WNK2: variants seen among roughly 807,000 people sequenced by gnomAD.
WNK2 encodes the protein WNK lysine deficient protein kinase 2.
Under a neutral mutation model 192.1 loss-of-function variants are expected in WNK2, and 67 were observed. The observed-to-expected ratio is 0.35, with a 90% CI of 0.29 to 0.43. The LOEUF (loss-of-function observed/expected upper bound fraction) is 0.43. Ranked by LOEUF, WNK2 falls within the 20% of genes least tolerant of loss-of-function variation. The pLI, the probability that WNK2 is intolerant of heterozygous loss-of-function variation, is 1.00. For synonymous variants in WNK2, 1,439 were observed against 1,393.9 expected (o/e 1.03, Z -0.72); for missense variants, 2,698 against 3,089.7 (o/e 0.87, Z 3.01).
intron 19 of WNK2, among the ~76,000 whole-genome samples, chr9:93,272,653 A>G (rs1588349856): frequency 1.3e-5 from 2 of 149,436 alleles, no homozygotes; most frequent in East Asian, 2.0e-4. Context: ...CAGGAGAATC[A>G]CTTGAACCCG....
chr9:93,202,333 T>G (rs867305033), intron 2 of WNK2, among the ~76,000 whole-genome samples: 2,278 of 124,252 alleles, frequency 0.018, 57 homozygotes, highest in African/African-American at 0.074. Flanking sequence ...CACGTGTGTG[T>G]GTGTGTGTGT....
intron 2 of WNK2, among the ~76,000 whole-genome samples, chr9:93,218,024 T>TGGGGG (rs1350110267): frequency 1.7e-4 from 2 of 11,650 alleles, no homozygotes; most frequent in Admixed American, 8.9e-4. Flanking sequence ...TTCCCTACGT[T>TGGGGG]GGGGGGGTGG....
At chr9:93,189,866 C>T (rs1830013665) in intron 2 of WNK2, among the ~76,000 whole-genome samples, 1 of 152,222 alleles carries the variant, frequency 6.6e-6, no homozygotes, top group South Asian at 2.1e-4. Context: ...CTGCCAGCCT[C>T]ACCTGCTTTT....
At chr9:93,265,487 A>C (rs1158746179) in intron 16 of WNK2, among the ~76,000 whole-genome samples, 1 of 152,218 alleles carries the variant, frequency 6.6e-6, no homozygotes, top group Non-Finnish European at 1.5e-5. Context: ...CAGAGGCGTG[A>C]GCTGCGCTTT....
At chr9:93,280,806 C>G (rs994360180) in intron 19 of WNK2, among the ~76,000 whole-genome samples, 1 of 152,182 alleles carries the variant, frequency 6.6e-6, no homozygotes, top group African/African-American at 2.4e-5. Context: ...TTTAAAGAAC[C>G]TGTTTTTTCT....
At chr9:93,220,263 G>C (rs1836606535) in intron 2 of WNK2, among the ~76,000 whole-genome samples, 1 of 152,208 alleles carries the variant, frequency 6.6e-6, no homozygotes, top group African/African-American at 2.4e-5. Context: ...GCTGAGCTCA[G>C]AGGCAGGGTT....
In WNK2 at chr9:93,292,837, C is replaced by A; in HGVS notation, c.5372C>A (p.Ala1791Glu). ...SPDVKLAVRR[A>E]QTASSIEVGV... is the part of the protein sequence containing the mutation. ...GACGTGAAGCTGGCAGTGCGGCGGG[C>A]GCAGACGGCCTCCTCCATCGAGGTC... Residue 1791 changes from alanine to glutamate, a missense_variant, in exon 23 of 30, where the codon GCG becomes GAG. By Grantham distance (107) the Ala-to-Glu change is moderately radical (BLOSUM62 -1). This residue lies in a region of WNK2 where 1,098 missense variants were observed against 1,101.0 expected (regional missense o/e 1.00). Transcript: ENST00000427277. 6.7e-7 allele frequency: 1 copy of A among 1,502,182 alleles called. No homozygotes were observed. The highest frequency in any genetic ancestry group is 1.3e-5 in the South Asian group (1 of 77,580). The allele number at this position is 1,502,182 out of a possible 1,614,324, so 93.1% of individuals were successfully genotyped here. A position where few individuals can be genotyped will look rare whatever the true frequency, so the allele number is the denominator to read the frequency against.
In WNK2 at chr9:93,318,355, G is replaced by A. The variant is rs41274360; in HGVS notation, c.6628+724G>A. ...AGTATTGAAGAGCTTCCATTGCTAGGTGAGCCCTGCTTTGTCCTCAGTAGA... is the reference window on the plus strand; with the variant it reads ...AGTATTGAAGAGCTTCCATTGCTAGATGAGCCCTGCTTTGTCCTCAGTAGA... On this transcript the variant is annotated intron_variant, in intron 29 of 29. Coordinates refer to ENST00000427277, the MANE Select transcript of WNK2 (RefSeq NM_006648.4). 4.5e-3 allele frequency: 7,138 copies of A among 1,598,834 alleles called. 21 individuals carry two copies. The highest frequency in any genetic ancestry group is 5.2e-3 in the Non-Finnish European group (6,042 of 1,169,342).
intron 2 of WNK2, among the ~76,000 whole-genome samples, chr9:93,189,931 C>T (rs570732637): frequency 1.3e-5 from 2 of 152,302 alleles, no homozygotes; most frequent in East Asian, 1.9e-4. Flanking sequence ...GAGCCAGTGC[C>T]GGGCACAGAG....
In WNK2 at chr9:93,257,291, T is replaced by A. The variant is rs1246668726; in HGVS notation, c.2382+152T>A. Among the ~76,000 whole-genome samples, 1 of 151,588 alleles carries A rather than the reference T, an allele frequency of 6.6e-6. No individual in the cohort carries two copies. Among genetic ancestry groups the A allele is most frequent in the Admixed American group, 6.6e-5 (1 of 15,202 alleles). ...AGGGAGTTGGGGCTGGGCTGGGGAG[T>A]CCGGGCTGGGCAGTGTGCACAGTCA... On this transcript the variant is annotated intron_variant, in intron 11 of 29. Coordinates refer to ENST00000427277, the MANE Select transcript of WNK2 (RefSeq NM_006648.4). The surrounding 1 kb of genome is among the most constrained non-coding windows in gnomAD (Gnocchi z 4.7).
At chr9:93,214,265 T>TC (rs1279183118) in intron 2 of WNK2, among the ~76,000 whole-genome samples, 1 of 151,904 alleles carries the variant, frequency 6.6e-6, no homozygotes, top group Non-Finnish European at 1.5e-5. Context: ...ATAGTTTTTT[T>TC]CTTCATCATC....
chr9:93,185,146 C>T lies in WNK2; in HGVS notation c.217C>T (p.Arg73Cys). The change falls in exon 2 of 30, where the codon CGC becomes TGC. Residue 73 changes from arginine (R) to cysteine (C), a missense_variant. Physicochemically the swap from Arg to Cys is radical, Grantham distance 180. Around this residue, in one of 7 missense-constraint regions of WNK2, gnomAD observed 260 missense variants for 285.6 expected, o/e 0.91. Coordinates refer to ENST00000427277, the MANE Select transcript of WNK2 (RefSeq NM_006648.4). ...CCCGCAGCCCCCGCAGCCCCTGCAG[C>T]GCCGGGTGCTTCTGCTCTGCAAGAC... ...PGPQPPQPLQ[R>C]RVLLLCKTRR... 1 of 1,295,898 alleles carries T rather than the reference C, an allele frequency of 7.7e-7. No individual in the cohort carries two copies. The highest frequency in any genetic ancestry group is 9.8e-7 in the Non-Finnish European group (1 of 1,015,480). 80.3% of individuals were successfully genotyped at this position (1,295,898 alleles called of 1,614,324 possible).
Position 93,268,692 on chromosome 9 carries a change from C to A in WNK2, c.3979C>A (p.Pro1327Thr), listed in dbSNP as rs780145570. 5 of 1,613,432 alleles carry A rather than the reference C, an allele frequency of 3.1e-6. No homozygotes were observed. The highest frequency in any genetic ancestry group is 4.2e-6 in the Non-Finnish European group (5 of 1,179,826). The change falls in exon 19 of 30, where the codon CCT becomes ACT. Residue 1327 changes from proline (P) to threonine (T), a missense_variant. This residue lies in a region of WNK2 where 1,098 missense variants were observed against 1,101.0 expected (regional missense o/e 1.00). Transcript: ENST00000427277. ...GGCTGAGCACCCCGCCCCCGAGGCC[C>A]CTGAATCTTCGCCCCCACTTCCTCT... The part of the protein sequence containing the change: ...PVAEHPAPEA[P>T]ESSPPLPLSS...
intron 19 of WNK2, among the ~76,000 whole-genome samples, chr9:93,287,606 G>C (rs1848641372): frequency 6.6e-6 from 1 of 152,168 alleles, no homozygotes; most frequent in Non-Finnish European, 1.5e-5. Context: ...AGGAAATTTT[G>C]GTCAAATTAG....
rs1179746106 is a variant in WNK2 at position 93,288,847 on chromosome 9, C to A, written c.4093C>A (p.Gln1365Lys). ...SKEQPSFLAS[Q>K]QLLSQAGPSN... The stretch of plus-strand genomic sequence containing the variant: ...GGAACAACCCAGCTTTCTAGCCAGT[C>A]AGCAGCTCCTGAGCCAGGCGGGCCC... The change falls in exon 20 of 30, where the codon CAG (glutamine) becomes AAG (lysine). Residue 1365 changes from glutamine (Q) to lysine (K), a missense_variant. Coordinates refer to ENST00000427277, the MANE Select transcript of WNK2 (RefSeq NM_006648.4). 6.2e-7 allele frequency: 1 copy of A among 1,612,314 alleles called. No individual in the cohort carries two copies. The highest frequency in any genetic ancestry group is 8.5e-7 in the Non-Finnish European group (1 of 1,179,684).
At chr9:93,258,910 A>G (rs757607125) in intron 11 of WNK2, 21 bp from the exon 12 acceptor site, 13 of 1,596,508 alleles carry the variant, frequency 8.1e-6, no homozygotes, top group Non-Finnish European at 1.0e-5. Context: ...CCACACTGAC[A>G]CACTCCTGTG....
rs1848946500 is a variant in WNK2 at position 93,289,277 on chromosome 9, G to C, written c.4523G>C (p.Ser1508Thr). 1 of 1,600,254 alleles carries C rather than the reference G, an allele frequency of 6.2e-7. No homozygotes were observed. Among genetic ancestry groups the C allele is most frequent in the African/African-American group, 1.3e-5 (1 of 74,822 alleles). Residue 1508 changes from serine (S) to threonine (T), a missense_variant, in exon 20 of 30, where the codon AGC becomes ACC. Physicochemically the swap from Ser to Thr is moderately conservative, Grantham distance 58 (BLOSUM62 1). Around this residue, in one of 7 missense-constraint regions of WNK2, gnomAD observed 1,098 missense variants for 1,101.0 expected, o/e 1.00. Coordinates refer to ENST00000427277, the MANE Select transcript of WNK2 (RefSeq NM_006648.4). ...CTTCCTGCCGCAGTGGGGGCCGTCA[G>C]CCTGGCCACCTCCCAGCTCCCAAGC... Reference protein sequence around the residue: ...PLLPAAVGAVSLATSQLPSPP... With the variant: ...PLLPAAVGAVTLATSQLPSPP...
chr9:93,248,294 C>T (rs532295955), intron 8 of WNK2, among the ~76,000 whole-genome samples: 1 of 152,356 alleles, frequency 6.6e-6, no homozygotes, highest in African/African-American at 2.4e-5. Flanking sequence ...GGGGCTTTCT[C>T]AGCATTTCCC....
At chr9:93,294,286 G>A (rs535945496) in intron 23 of WNK2, among the ~76,000 whole-genome samples, 2 of 152,202 alleles carry the variant, frequency 1.3e-5, no homozygotes, top group Admixed American at 6.5e-5. Context: ...CTCTGTGTTC[G>A]TGGAGAACTG....
Sources: allele counts gnomAD v4.1 joint callset (sites outside exome capture counted in the v4.1 genomes callset), GRCh38; gene constraint gnomAD v4.1.1; regional missense constraint gnomAD v4.1.1; non-coding constraint Gnocchi (gnomAD v3.1); transcripts MANE v1.5; gene names NCBI Gene and HGNC (gene_info 2026-07-23, HGNC 2026-07-21).